AATK: variants seen among roughly 807,000 people sequenced by gnomAD.
The protein encoded by AATK is lemur tail kinase 1, also known as serine/threonine-protein kinase LMTK1.
AATK carries 91 observed loss-of-function variants against 114.3 expected under a neutral mutation model. The observed-to-expected ratio is 0.80, with a 90% CI of 0.67 to 0.95. The LOEUF is 0.95. Among genes scored for constraint, AATK ranks in the 40% least tolerant of loss-of-function variants. The pLI is 0.00. For missense variants in AATK, 2,176 were observed against 1,965.2 expected (o/e 1.11, Z -2.03); for synonymous variants, 1,075 against 916.5 (o/e 1.17, Z -3.12).
At chr17:81,139,579 C>T (rs1429016437) in intron 1 of AATK, among the ~76,000 whole-genome samples, 1 of 144,984 alleles carries the variant, frequency 6.9e-6, no homozygotes, top group Non-Finnish European at 1.5e-5. Flanking sequence ...GCTGCGCGGC[C>T]CCCAGGCTCT....
At chr17:81,154,438 A>G (rs573011866) in intron 1 of AATK, among the ~76,000 whole-genome samples, 4 of 146,534 alleles carry the variant, frequency 2.7e-5, no homozygotes, top group Non-Finnish European at 4.4e-5. Context: ...CTCCTGCCTT[A>G]GCCTCCCAGG....
At position 81,119,945 on chromosome 17, in the gene AATK, C is replaced by CTGTGGAGCCATT. The variant is rs2060677173; in HGVS notation, c.3862_3873dup (p.Asn1288_Thr1291dup). The CTGTGGAGCCATT allele has an allele frequency of 4.1e-6, 6 of 1,446,140 alleles. No individual in the cohort carries two copies. The highest frequency in any genetic ancestry group is 4.5e-6 in the Non-Finnish European group (5 of 1,101,718). 89.6% of individuals were successfully genotyped at this position (1,446,140 alleles called of 1,614,324 possible). A position where few individuals can be genotyped will look rare whatever the true frequency, so the allele number is the denominator to read the frequency against. On this transcript the variant is annotated inframe_insertion, in exon 12 of 14. Transcript: ENST00000326724. ...CCCCGCCCCTGCTCACCCTCTTCCG[C>CTGTGGAGCCATT]TGTGGAGCCATTTGGGGAGCCATCA...
intron 1 of AATK, among the ~76,000 whole-genome samples, chr17:81,155,882 G>A (rs374004194): frequency 8.0e-5 from 12 of 150,722 alleles, no homozygotes; most frequent in African/African-American, 2.7e-4. Flanking sequence ...ATGCGGTCTC[G>A]TGTTGCCCAA....
chr17:81,161,980 T>C (rs1259667891), intron 1 of AATK, among the ~76,000 whole-genome samples: 1 of 152,022 alleles, frequency 6.6e-6, no homozygotes, highest in Non-Finnish European at 1.5e-5. Flanking sequence ...CACCACCCCA[T>C]GGAGGGAAGC....
At chr17:81,160,670 G>A (rs1165851837) in intron 1 of AATK, among the ~76,000 whole-genome samples, 9 of 152,226 alleles carry the variant, frequency 5.9e-5, no homozygotes, top group African/African-American at 1.2e-4. Context: ...GGACAGGACC[G>A]CAGGCCGAGG....
At chr17:81,129,006 G>A (rs898211980) in intron 3 of AATK, 1 of 726,710 alleles carries the variant, frequency 1.4e-6, no homozygotes, top group African/African-American at 1.9e-5. Context: ...GGGCTGCTTG[G>A]CACGGCCCCG....
chr17:81,150,975 C>CT, intron 1 of AATK, among the ~76,000 whole-genome samples: 1 of 152,244 alleles, frequency 6.6e-6, no homozygotes, highest in South Asian at 2.1e-4. Flanking sequence ...CAGAGTGGTC[C>CT]CCATTGTCTG....
At chr17:81,123,807 G>A (rs1344906556) in intron 9 of AATK, among the ~76,000 whole-genome samples, 1 of 152,170 alleles carries the variant, frequency 6.6e-6, no homozygotes, top group Non-Finnish European at 1.5e-5. Context: ...AACAGGCAGG[G>A]GTGCACAGAG....
rs779501108 is a variant in AATK at position 81,120,869 on chromosome 17, G to A, written c.3067C>T (p.Pro1023Ser). 6 of 1,577,630 alleles carry A rather than the reference G, an allele frequency of 3.8e-6. No individual in the cohort carries two copies. Among genetic ancestry groups the A allele is most frequent in the African/African-American group, 2.7e-5 (2 of 74,116 alleles). ...KKCGGDRAPG[P>S]ELGLPSTGQP... ...CCAGTGCTCGGCAGGCCCAGCTCTGGCCCGGGGGCTCGGTCCCCGCCGCAC... is the reference window on the plus strand; with the variant it reads ...CCAGTGCTCGGCAGGCCCAGCTCTGACCCGGGGGCTCGGTCCCCGCCGCAC... Residue 1023 changes from proline to serine, a missense_variant, in exon 11 of 14, where the codon CCA becomes TCA. Pro to Ser is a moderately conservative substitution (Grantham distance 74, BLOSUM62 -1). Coordinates refer to ENST00000326724, the MANE Select transcript of AATK (RefSeq NM_001080395.3).
intron 13 of AATK, 119 bp downstream of exon 13, chr17:81,119,261 C>CGGGGCCGGGAAGGAGCGGGGCCGGGAG: frequency 9.2e-7 from 1 of 1,082,450 alleles, no homozygotes; most frequent in Non-Finnish European, 1.2e-6. Flanking sequence ...CGGGAAGGAG[C>CGGGGCCGGGAAGGAGCGGGGCCGGGAG]GGAGCGGAGC....
At chr17:81,119,131 AGGTGAGGG>A (rs1391040221) in intron 13 of AATK, among the ~76,000 whole-genome samples, 2 of 129,476 alleles carry the variant, frequency 1.5e-5, no homozygotes, top group Non-Finnish European at 1.6e-5. Flanking sequence ...TGCAGGGGCC[AGGTGAGGG>A]CCAGGTGAGG....
At chr17:81,163,956 C>A (rs2061455157) in intron 1 of AATK, among the ~76,000 whole-genome samples, 1 of 152,246 alleles carries the variant, frequency 6.6e-6, no homozygotes, top group Non-Finnish European at 1.5e-5. Flanking sequence ...AGCGTGGGCC[C>A]CTCCCCTCTG....
intron 1 of AATK, among the ~76,000 whole-genome samples, chr17:81,151,771 G>T (rs557249538): frequency 1.3e-5 from 2 of 152,354 alleles, no homozygotes; most frequent in East Asian, 3.9e-4. Flanking sequence ...GCAGAGCTGG[G>T]ACCCTGAGGT....
At chr17:81,119,862 G>T (rs1245689910) in intron 12 of AATK, 74 bp downstream of exon 12, 2 of 1,388,984 alleles carry the variant, frequency 1.4e-6, no homozygotes, top group Non-Finnish European at 1.9e-6. Flanking sequence ...CACACATTAG[G>T]CCCCGCCTCC....
chr17:81,121,219 AG>A lies in AATK; in HGVS notation c.2716del (p.Leu906TrpfsTer198). On this transcript the variant is annotated frameshift_variant, in exon 11 of 14. Transcript: ENST00000326724. LOFTEE classifies it high-confidence loss of function. ...ATCACTGGCTGAGGACGGGATGTCC[AG>A]GGAGTCCAGGGAGTCGGGGGTCCCC... is the stretch of plus-strand genomic sequence containing the variant. The part of the protein sequence containing the change: ...QVGTPDSLDS[L>X]DIPSSASDGG... The A allele has an allele frequency of 6.2e-7, 1 of 1,604,590 alleles. No individual in the cohort carries two copies.
In AATK at chr17:81,126,116, G is replaced by A. The variant is rs527924555; in HGVS notation, c.755+311C>T. ...GTCTGTCTCCCTCAAGCCCCAAAGCGAGGGCTTAGCAGAGTGTGGGGTTGG... is the reference window on the plus strand; with the variant it reads ...GTCTGTCTCCCTCAAGCCCCAAAGCAAGGGCTTAGCAGAGTGTGGGGTTGG... On this transcript the variant is annotated intron_variant, in intron 7 of 13. Coordinates refer to ENST00000326724, the MANE Select transcript of AATK (RefSeq NM_001080395.3). This position sits in a 1 kb window ranked among gnomAD's most constrained non-coding sequence, Gnocchi z 5.1. Among the ~76,000 whole-genome samples, 3 of 152,316 alleles carry A rather than the reference G, an allele frequency of 2.0e-5. No homozygotes were observed. Among genetic ancestry groups the A allele is most frequent in the South Asian group, 2.1e-4 (1 of 4,824 alleles).
At chr17:81,152,276 C>CA (rs57541818) in intron 1 of AATK, among the ~76,000 whole-genome samples, 2,986 of 151,572 alleles carry the variant, frequency 0.02, 43 homozygotes, top group Non-Finnish European at 0.03. Flanking sequence ...GACTCAGTCT[C>CA]AAAAAAAATA....
At chr17:81,127,985 A>C in intron 4 of AATK, 75 bp from the exon 5 acceptor site, 1 of 1,515,790 alleles carries the variant, frequency 6.6e-7, no homozygotes, top group Non-Finnish European at 8.9e-7. Flanking sequence ...CTCTTCTCCC[A>C]CCCGCCCCAC....
At chr17:81,151,300 C>T (rs1394622195) in intron 1 of AATK, among the ~76,000 whole-genome samples, 1 of 147,948 alleles carries the variant, frequency 6.8e-6, no homozygotes, top group Non-Finnish European at 1.5e-5. Context: ...CCCCCACCGA[C>T]CCCTCCTGTC....
Sources: gnomAD v4.1 joint callset for allele counts (sites outside exome capture counted in the v4.1 genomes callset) on GRCh38, gnomAD v4.1.1 for gene constraint, Gnocchi (gnomAD v3.1) non-coding constraint, MANE v1.5 for transcripts, NCBI Gene and HGNC (gene_info 2026-07-23, HGNC 2026-07-21) for gene names.